Variants in FRMPD1 observed in about 807,000 individuals in gnomAD.
FRMPD1 encodes the protein FERM and PDZ domain containing 1.
FRMPD1 carries 76 observed loss-of-function variants against 117.8 expected under a neutral mutation model. The ratio of observed to expected loss-of-function variants is 0.65; its 90% CI spans 0.54 to 0.78. The LOEUF (loss-of-function observed/expected upper bound fraction) is 0.78, where lower values mean the gene tolerates loss of function less well. Among genes scored for constraint, FRMPD1 ranks in the 30% least tolerant of loss-of-function variants. The probability of loss-of-function intolerance (pLI) is 0.00; values close to 1 mark genes in which losing one functional copy is unlikely to be tolerated. For missense variants in FRMPD1, 1,786 were observed against 1,964.5 expected, an observed-to-expected ratio of 0.91 and a Z score of 1.72; for synonymous variants, 783 against 770.4, an observed-to-expected ratio of 1.02 and a Z score of -0.27.
intron 7 of FRMPD1, among the ~76,000 whole-genome samples, chr9:37,727,615 C>T (rs1163504306): frequency 6.6e-6 from 1 of 152,086 alleles, no homozygotes; most frequent in Non-Finnish European, 1.5e-5. Context: ...CCATTGGGGC[C>T]AGCACAATGC....
Position 37,698,356 on chromosome 9 carries a change from T to C in FRMPD1, c.101+5614T>C, listed in dbSNP as rs76932870. Among the ~76,000 whole-genome samples the C allele has an allele frequency of 4.6e-3, 706 of 152,254 alleles. 3 individuals carry two copies. Among genetic ancestry groups the C allele is most frequent in the Non-Finnish European group, 7.2e-3 (493 of 68,032 alleles). On this transcript the variant is annotated intron_variant, in intron 2 of 15. Transcript: ENST00000377765. Reference sequence around the variant, plus strand: ...AGTAGTCATTCATATTACCATTAATTGTGAGTGATCTTTGCCTTCTTGATT... The same window carrying C: ...AGTAGTCATTCATATTACCATTAATCGTGAGTGATCTTTGCCTTCTTGATT...
intron 1 of FRMPD1, among the ~76,000 whole-genome samples, chr9:37,654,260 G>A (rs4878712): frequency 0.52 from 79,015 of 152,080 alleles, 21,738 homozygotes; most frequent in African/African-American, 0.7. Context: ...GGGAAATGTG[G>A]GAGAAAGTAG....
the FRMPD1 span, among the ~76,000 whole-genome samples, chr9:37,624,198 G>T: frequency 6.6e-6 from 1 of 152,248 alleles, no homozygotes; most frequent in Non-Finnish European, 1.5e-5. Flanking sequence ...TATAGTCTAG[G>T]AAGGACAAAT....
the FRMPD1 span, among the ~76,000 whole-genome samples, chr9:37,637,845 C>A: frequency 1.3e-5 from 2 of 151,934 alleles, no homozygotes; most frequent in African/African-American, 4.8e-5. Context: ...CAAATGGTTG[C>A]GCGGATAGTG....
chr9:37,615,488 T>A, the FRMPD1 span, among the ~76,000 whole-genome samples: 1 of 152,158 alleles, frequency 6.6e-6, no homozygotes, highest in Non-Finnish European at 1.5e-5. Context: ...TTCAATGAGA[T>A]TTCATCAAGT....
At chr9:37,734,136 C>A (rs1824017943) in intron 12 of FRMPD1, among the ~76,000 whole-genome samples, 1 of 152,038 alleles carries the variant, frequency 6.6e-6, no homozygotes, top group Non-Finnish European at 1.5e-5. Context: ...AGTTTGGAGA[C>A]AGAAGGTAGC....
chr9:37,632,626 GA>G, the FRMPD1 span, among the ~76,000 whole-genome samples: 1 of 152,170 alleles, frequency 6.6e-6, no homozygotes, highest in African/African-American at 2.4e-5. Flanking sequence ...CGATTCTAGA[GA>G]AAAAACCTTT....
chr9:37,721,341 G>A (rs1441265320), intron 6 of FRMPD1, among the ~76,000 whole-genome samples: 1 of 152,146 alleles, frequency 6.6e-6, no homozygotes, highest in Non-Finnish European at 1.5e-5. Flanking sequence ...TTTCCCCTTG[G>A]AACATGATAA....
the FRMPD1 span, among the ~76,000 whole-genome samples, chr9:37,635,452 A>C: frequency 2.6e-5 from 4 of 152,206 alleles, 1 homozygote; most frequent in South Asian, 8.3e-4. Context: ...TTTCCTTGCA[A>C]AAACCCTCAG....
chr9:37,706,956 A>G (rs1343491640), intron 2 of FRMPD1, among the ~76,000 whole-genome samples: 1 of 151,334 alleles, frequency 6.6e-6, no homozygotes, highest in Non-Finnish European at 1.5e-5. Context: ...CCATCCATCC[A>G]TCCATCCATC....
chr9:37,619,648 C>T, the FRMPD1 span, among the ~76,000 whole-genome samples: 1 of 151,840 alleles, frequency 6.6e-6, no homozygotes, highest in African/African-American at 2.4e-5. Context: ...ATCCCAGCTA[C>T]TTGGGAGGCT....
chr9:37,659,389 T>A (rs1588904920), intron 1 of FRMPD1, among the ~76,000 whole-genome samples: 1 of 152,312 alleles, frequency 6.6e-6, no homozygotes, highest in East Asian at 1.9e-4. Context: ...GTTGTACAGA[T>A]GTGGGTGGGG....
chr9:37,724,740 T>C (rs1396986036), intron 7 of FRMPD1, among the ~76,000 whole-genome samples: 1 of 152,222 alleles, frequency 6.6e-6, no homozygotes, highest in African/African-American at 2.4e-5. Flanking sequence ...TCAATTGAAC[T>C]TATACTTCAC....
At position 37,707,201 on chromosome 9, in the gene FRMPD1, A is replaced by G. The variant is rs117603358; in HGVS notation, c.102-215A>G. 4.9e-3 allele frequency among the ~76,000 whole-genome samples: 743 copies of G among 152,278 alleles called. 4 individuals carry two copies. Among genetic ancestry groups the G allele is most frequent in the Non-Finnish European group, 9.0e-3 (610 of 68,012 alleles). On this transcript the variant is annotated intron_variant, in intron 2 of 15. Transcript: ENST00000377765. ...CTTCCTGGGCGCTTTCTAGATATTTAGCATTAGCTCATTAAGAATGCCTGG... is the reference window on the plus strand; with the variant it reads ...CTTCCTGGGCGCTTTCTAGATATTTGGCATTAGCTCATTAAGAATGCCTGG...
the FRMPD1 span, among the ~76,000 whole-genome samples, chr9:37,621,927 C>T: frequency 1.3e-3 from 191 of 152,220 alleles, 5 homozygotes; most frequent in Admixed American, 0.012. Context: ...AATAGTACCA[C>T]GTAAGAGGAA....
At chr9:37,630,207 C>A in the FRMPD1 span, among the ~76,000 whole-genome samples, 2 of 152,150 alleles carry the variant, frequency 1.3e-5, no homozygotes, top group South Asian at 2.1e-4. Context: ...ACTTGCCATA[C>A]CTTATTGACT....
At chr9:37,691,409 TGAAA>T (rs1262590249) in intron 1 of FRMPD1, among the ~76,000 whole-genome samples, 3 of 152,206 alleles carry the variant, frequency 2.0e-5, no homozygotes, top group African/African-American at 7.2e-5. Context: ...AGCACATTAG[TGAAA>T]AACTGGTAAA....
rs538189016 is a variant in FRMPD1 at position 37,746,500 on chromosome 9, G to A, written c.4468G>A (p.Val1490Met). ...DQSPEEMQGA[V>M]RDTFQHLVQL... ...GTCCCCCGAAGAGATGCAGGGGGCC[G>A]TGCGTGACACCTTCCAGCACCTGGT... The change falls in exon 16 of 16, where the codon GTG becomes ATG. Residue 1490 changes from valine (V) to methionine (M), a missense_variant. Val to Met is a conservative substitution (Grantham distance 21, BLOSUM62 1). Transcript: ENST00000377765. 2.6e-5 allele frequency: 42 copies of A among 1,613,620 alleles called. No homozygotes were observed. The highest frequency in any genetic ancestry group is 1.9e-4 in the African/African-American group (14 of 75,060).
At position 37,704,242 on chromosome 9, in the gene FRMPD1, C is replaced by T. The variant is rs544558093; in HGVS notation, c.102-3174C>T. 7.2e-5 allele frequency among the ~76,000 whole-genome samples: 11 copies of T among 152,136 alleles called. No homozygotes were observed. The East Asian group carries it at 7.7e-4, about 11-fold the overall frequency. On this transcript the variant is annotated intron_variant, in intron 2 of 15. Coordinates refer to ENST00000377765, the MANE Select transcript of FRMPD1 (RefSeq NM_014907.3). Reference sequence around the variant, plus strand: ...TAGAAATTTAGAGTTCAAATTGATACGCGCTGTAAGTGTAAAATAGACCCT... The same window carrying T: ...TAGAAATTTAGAGTTCAAATTGATATGCGCTGTAAGTGTAAAATAGACCCT...
Sources: allele counts gnomAD v4.1 joint callset (sites outside exome capture counted in the v4.1 genomes callset), GRCh38; gene constraint gnomAD v4.1.1; transcripts MANE v1.5; gene names NCBI Gene and HGNC (gene_info 2026-07-23, HGNC 2026-07-21).